Variants in NSD2 observed in about 807,000 individuals in gnomAD.
NSD2 encodes histone-lysine N-methyltransferase NSD2.
A neutral mutation model predicts 139.0 loss-of-function variants in NSD2; 12 were observed. The observed-to-expected ratio is 0.09, with a 90% CI of 0.06 to 0.14. The LOEUF is 0.14. NSD2 is among the 10% of genes least tolerant of loss of function. The probability of loss-of-function intolerance (pLI) is 1.00; values close to 1 mark genes in which losing one functional copy is unlikely to be tolerated. For missense variants in NSD2, 1,155 were observed against 1,745.0 expected (o/e 0.66, Z 6.02); for synonymous variants, 669 against 648.7 (o/e 1.03, Z -0.48).
In NSD2 at chr4:1,939,666, T is replaced by G. The variant is rs539819179; in HGVS notation, c.1769T>G (p.Leu590Arg). The G allele has an allele frequency of 6.2e-7, 1 of 1,614,166 alleles. No homozygotes were observed. Among genetic ancestry groups the G allele is most frequent in the African/African-American group, 1.3e-5 (1 of 75,074 alleles). Reference protein sequence around the residue: ...SLKSQAATKNLSDACKPLKKR... With the variant: ...SLKSQAATKNRSDACKPLKKR... ...AATTATTTTACAGCAACGAAAAATCTGTCTGATGCATGTAAACCACTGAAG... is the reference window on the plus strand; with the variant it reads ...AATTATTTTACAGCAACGAAAAATCGGTCTGATGCATGTAAACCACTGAAG... The change falls in exon 9 of 22, where the codon CTG (leucine) becomes CGG (arginine). Residue 590 changes from leucine to arginine, a missense_variant. By Grantham distance (102) the Leu-to-Arg change is moderately radical. Around this residue, in one of 8 missense-constraint regions of NSD2, gnomAD observed 420 missense variants for 469.0 expected, o/e 0.90. Transcript: ENST00000508803.
intron 1 of NSD2, among the ~76,000 whole-genome samples, chr4:1,894,656 A>G (rs1716003659): frequency 1.3e-5 from 2 of 150,960 alleles, no homozygotes; most frequent in African/African-American, 4.9e-5. Flanking sequence ...TGGGCAACAG[A>G]GGAAGACCCT....
chr4:1,896,494 G>C (rs768871474), intron 1 of NSD2, among the ~76,000 whole-genome samples: 1 of 152,196 alleles, frequency 6.6e-6, no homozygotes, highest in Non-Finnish European at 1.5e-5. Flanking sequence ...TCAGCCTCCC[G>C]GGTAGCTGGG....
chr4:1,899,045 G>T (rs776074715), intron 1 of NSD2, among the ~76,000 whole-genome samples: 26 of 152,186 alleles, frequency 1.7e-4, no homozygotes, highest in Non-Finnish European at 3.4e-4. Flanking sequence ...TATGATATGA[G>T]CTGGAAGAGG....
At chr4:1,971,364 A>G (rs191920733) in intron 18 of NSD2, among the ~76,000 whole-genome samples, 15 of 152,266 alleles carry the variant, frequency 9.9e-5, no homozygotes, top group Admixed American at 9.8e-4. Flanking sequence ...GGGCCTTCCC[A>G]CTGGCCTATG....
At chr4:1,924,518 A>G (rs1242069420) in intron 5 of NSD2, among the ~76,000 whole-genome samples, 1 of 152,152 alleles carries the variant, frequency 6.6e-6, no homozygotes, top group East Asian at 1.9e-4. Flanking sequence ...AATTGATCTC[A>G]GATGGTCCTT....
intron 3 of NSD2, among the ~76,000 whole-genome samples, chr4:1,904,657 T>C (rs1717648797): frequency 6.6e-6 from 1 of 152,230 alleles, no homozygotes; most frequent in Non-Finnish European, 1.5e-5. Flanking sequence ...GTTACGATGA[T>C]TGCTTGTTTC....
At chr4:1,951,711 G>A (rs1256759627) in intron 10 of NSD2, among the ~76,000 whole-genome samples, 1 of 152,176 alleles carries the variant, frequency 6.6e-6, no homozygotes, top group African/African-American at 2.4e-5. Context: ...AGATGGCATG[G>A]GAGCTTCCAT....
chr4:1,891,274 T>C (rs1715519472), intron 1 of NSD2, among the ~76,000 whole-genome samples: 1 of 152,196 alleles, frequency 6.6e-6, no homozygotes, highest in African/African-American at 2.4e-5. Context: ...TCAGGCAGAC[T>C]AGTGTGATAT....
intron 9 of NSD2, chr4:1,940,330 A>T: frequency 1.9e-6 from 2 of 1,069,968 alleles, no homozygotes; most frequent in South Asian, 8.8e-5. Flanking sequence ...GTGAGTCAGA[A>T]CTACCATTGT....
chr4:1,953,025 A>G, intron 11 of NSD2: 1 of 1,442,568 alleles, frequency 6.9e-7, no homozygotes, highest in Non-Finnish European at 9.0e-7. Context: ...TTTTCATAGG[A>G]GCCCCTTCTT....
Position 1,901,247 on chromosome 4 carries a change from A to T in NSD2, c.593A>T (p.Lys198Ile). The T allele has an allele frequency of 6.4e-7, 1 of 1,566,800 alleles. No homozygotes were observed. Among genetic ancestry groups the T allele is most frequent in the Non-Finnish European group, 8.6e-7 (1 of 1,161,380 alleles). The stretch of plus-strand genomic sequence containing the variant: ...TCTAAGATCTCAAGTCCTTCAGATA[A>T]AAAGGTATTTAGGAGACGTTGTGTA... The part of the protein sequence containing the change: ...LVSKISSPSD[K>I]KIPAKKESCP... The change falls in exon 2 of 22, where the codon AAA becomes ATA. Residue 198 changes from lysine to isoleucine, a missense_variant. Coordinates refer to ENST00000508803, the MANE Select transcript of NSD2 (RefSeq NM_001042424.3).
rs1387849387 is a variant in NSD2, at chr4:1,976,250, G to C, written c.3622-225G>C. 3.6e-6 allele frequency: 2 copies of C among 562,072 alleles called. No homozygotes were observed. The highest frequency in any genetic ancestry group is 6.3e-5 in the Admixed American group (2 of 31,664). The allele number at this position is 562,072 out of a possible 1,614,324, so 34.8% of individuals were successfully genotyped here. Reference sequence around the variant, plus strand: ...CTGAGATGCGTCATTGCAGGCTTCCGACAAAGCTCACTCTAGTCGTAGTCT... The same window carrying C: ...CTGAGATGCGTCATTGCAGGCTTCCCACAAAGCTCACTCTAGTCGTAGTCT... On this transcript the variant is annotated intron_variant, in intron 20 of 21. Transcript: ENST00000508803. The surrounding 1 kb of genome is among the most constrained non-coding windows in gnomAD (Gnocchi z 5.3).
chr4:1,902,191 C>T (rs921294583), intron 2 of NSD2, among the ~76,000 whole-genome samples: 2 of 152,112 alleles, frequency 1.3e-5, no homozygotes, highest in Admixed American at 6.5e-5. Context: ...GTTTAGTTCT[C>T]GCTCATGTAA....
chr4:1,965,619 C>CT (rs1384913720), intron 18 of NSD2, among the ~76,000 whole-genome samples: 1 of 152,198 alleles, frequency 6.6e-6, no homozygotes, highest in African/African-American at 2.4e-5. Flanking sequence ...GTGTATTAGT[C>CT]TATTTTTACA....
chr4:1,874,258 A>ATT (rs1170335816), intron 1 of NSD2, among the ~76,000 whole-genome samples: 3 of 152,096 alleles, frequency 2.0e-5, no homozygotes, highest in Non-Finnish European at 4.4e-5. Flanking sequence ...GTTTTGCTTG[A>ATT]TTGTAGTAAG....
intron 9 of NSD2, chr4:1,944,055 C>T (rs1723374654): frequency 3.8e-6 from 4 of 1,064,832 alleles, no homozygotes; most frequent in South Asian, 4.6e-5. Flanking sequence ...CATGGGGGAA[C>T]GTGGATGGGA....
chr4:1,883,790 C>T (rs1470947740), intron 1 of NSD2, among the ~76,000 whole-genome samples: 2 of 152,188 alleles, frequency 1.3e-5, no homozygotes, highest in African/African-American at 4.8e-5. Context: ...TGTGTGGGTG[C>T]TCAGCATGTG....
rs749854952 is a variant in NSD2, at chr4:1,952,247, C to T, written c.2137+16C>T. The T allele has an allele frequency of 1.9e-5, 31 of 1,612,458 alleles. No individual in the cohort carries two copies. Among genetic ancestry groups the T allele is most frequent in the Admixed American group, 8.3e-5 (5 of 59,948 alleles). On this transcript the variant is annotated intron_variant, in intron 11 of 21. Coordinates refer to ENST00000508803, the MANE Select transcript of NSD2 (RefSeq NM_001042424.3). ...TGTGCCTCAGGCAAGTTCCCACGGG[C>T]GGGCAGCTCTGCAGCCTGGCCGGCC...
In NSD2 at chr4:1,956,240, A is replaced by G; in HGVS notation, c.2881+52A>G. 6.9e-7 allele frequency: 1 copy of G among 1,455,566 alleles called. No individual in the cohort carries two copies. Among genetic ancestry groups the G allele is most frequent in the Non-Finnish European group, 9.2e-7 (1 of 1,084,122 alleles). 90.2% of individuals were successfully genotyped at this position (1,455,566 alleles called of 1,614,324 possible). A position where few individuals can be genotyped will look rare whatever the true frequency, so the allele number is the denominator to read the frequency against. On this transcript the variant is annotated intron_variant, in intron 15 of 21. Coordinates refer to ENST00000508803, the MANE Select transcript of NSD2 (RefSeq NM_001042424.3). The surrounding 1 kb of genome is among the most constrained non-coding windows in gnomAD (Gnocchi z 5.3). ...AGACAGCACTCTCGTGCATTTTCTT[A>G]CCCCTAATTTCTATTTTTTAAAATT...
Sources: allele counts gnomAD v4.1 joint callset (sites outside exome capture counted in the v4.1 genomes callset), GRCh38; gene constraint gnomAD v4.1.1; regional missense constraint gnomAD v4.1.1; non-coding constraint Gnocchi (gnomAD v3.1); transcripts MANE v1.5; gene names NCBI Gene and HGNC (gene_info 2026-07-23, HGNC 2026-07-21).